Variants in PTPRT observed in about 807,000 individuals in gnomAD.
PTPRT encodes receptor-type tyrosine-protein phosphatase T.
A neutral mutation model predicts 176.8 loss-of-function variants in PTPRT; 56 were observed. That is an observed-to-expected ratio of 0.32 (90% CI 0.26 to 0.40). The LOEUF (loss-of-function observed/expected upper bound fraction) is 0.40. PTPRT is among the 10% of genes least tolerant of loss of function. The probability of loss-of-function intolerance (pLI) is 1.00; values close to 1 mark genes in which losing one functional copy is unlikely to be tolerated. For synonymous variants in PTPRT, 783 were observed against 739.0 expected (o/e 1.06, Z -0.96); for missense variants, 1,540 against 1,908.2 (o/e 0.81, Z 3.60).
rs187583267 is a variant in PTPRT, at chr20:42,934,152, C to T, written c.89-48220G>A. Among the ~76,000 whole-genome samples the T allele has an allele frequency of 1.4e-4, 22 of 152,266 alleles. 1 individual carries two copies. In the East Asian group the frequency reaches 3.1e-3, roughly 21 times the overall value. On this transcript the variant is annotated intron_variant, in intron 1 of 30. Coordinates refer to ENST00000373187, the MANE Select transcript of PTPRT (RefSeq NM_007050.6). ...TACTGAGAATTTACCCATCTCATTA[C>T]GGCGTTGCTAACAGGGTCTCAGGCA...
At chr20:42,806,957 T>C (rs1182032502) in intron 2 of PTPRT, among the ~76,000 whole-genome samples, 5 of 152,186 alleles carry the variant, frequency 3.3e-5, no homozygotes, top group Admixed American at 2.0e-4. Context: ...GAAGTATTCC[T>C]TCCAGCCCAC....
intron 2 of PTPRT, among the ~76,000 whole-genome samples, chr20:42,802,483 T>C (rs373115172): frequency 2.0e-5 from 3 of 152,234 alleles, no homozygotes; most frequent in East Asian, 3.9e-4. Flanking sequence ...AATTAGACAC[T>C]TATTGACTCC....
At chr20:42,771,350 T>C in intron 5 of PTPRT, 85 bp downstream of exon 5, 1 of 1,182,790 alleles carries the variant, frequency 8.5e-7, no homozygotes. Context: ...AATACACTTG[T>C]GTTGCCATAG....
At chr20:42,599,060 T>C (rs1253243748) in intron 7 of PTPRT, among the ~76,000 whole-genome samples, 1 of 151,998 alleles carries the variant, frequency 6.6e-6, no homozygotes, top group Non-Finnish European at 1.5e-5. Context: ...GATGCCCTGG[T>C]TTATTAGGAG....
chr20:43,018,197 T>G (rs1043184010), intron 1 of PTPRT, among the ~76,000 whole-genome samples: 1 of 152,176 alleles, frequency 6.6e-6, no homozygotes, highest in African/African-American at 2.4e-5. Flanking sequence ...CTTTACCATG[T>G]TATCTATTTA....
At chr20:43,128,866 G>C (rs1371704385) in intron 1 of PTPRT, among the ~76,000 whole-genome samples, 1 of 152,224 alleles carries the variant, frequency 6.6e-6, no homozygotes, top group Non-Finnish European at 1.5e-5. Context: ...GCTGAGGGAA[G>C]ATGCCCCAAG....
At chr20:42,364,986 A>G (rs1237754188) in intron 9 of PTPRT, among the ~76,000 whole-genome samples, 3 of 152,238 alleles carry the variant, frequency 2.0e-5, no homozygotes, top group African/African-American at 7.2e-5. Context: ...ACTGCCCATT[A>G]GAAATAGGAT....
chr20:42,913,132 A>G (rs1390926520), intron 1 of PTPRT, among the ~76,000 whole-genome samples: 1 of 152,246 alleles, frequency 6.6e-6, no homozygotes, highest in Non-Finnish European at 1.5e-5. Context: ...AAGTGCTTAA[A>G]AAGGTACCTT....
chr20:42,270,379 C>CCCGGGGG (rs2146998979), intron 13 of PTPRT: 9 of 1,541,540 alleles, frequency 5.8e-6, no homozygotes, highest in Middle Eastern at 2.2e-4. Flanking sequence ...CCCACCCGCC[C>CCCGGGGG]AGGGCTCTGG....
At chr20:42,034,710 G>A in the PTPRT span, among the ~76,000 whole-genome samples, 3 of 152,166 alleles carry the variant, frequency 2.0e-5, no homozygotes, top group African/African-American at 7.2e-5. Flanking sequence ...TAACAGAAAG[G>A]ATTAACTTAG....
chr20:43,067,695 C>G (rs6065571), intron 1 of PTPRT, among the ~76,000 whole-genome samples: 1 of 151,514 alleles, frequency 6.6e-6, no homozygotes, highest in Non-Finnish European at 1.5e-5. Flanking sequence ...GGCACAGTGG[C>G]TCACATCTGC....
chr20:42,293,276 C>T (rs995353502), intron 12 of PTPRT, among the ~76,000 whole-genome samples: 5 of 152,204 alleles, frequency 3.3e-5, no homozygotes, highest in Non-Finnish European at 5.9e-5. Flanking sequence ...TTCAGTGAGA[C>T]TACACTAAGT....
At chr20:42,810,061 A>T (rs1250854619) in intron 2 of PTPRT, among the ~76,000 whole-genome samples, 2 of 152,106 alleles carry the variant, frequency 1.3e-5, no homozygotes, top group Non-Finnish European at 2.9e-5. Flanking sequence ...GGGAGGCCGA[A>T]GTGGGTGGAT....
chr20:42,752,312 A>G (rs770306387), intron 6 of PTPRT, among the ~76,000 whole-genome samples: 6 of 152,204 alleles, frequency 3.9e-5, no homozygotes, highest in Non-Finnish European at 5.9e-5. Context: ...TCCTACATCC[A>G]TTATCACATG....
At chr20:42,392,722 A>G (rs1057473787) in intron 9 of PTPRT, among the ~76,000 whole-genome samples, 1 of 152,178 alleles carries the variant, frequency 6.6e-6, no homozygotes, top group Non-Finnish European at 1.5e-5. Flanking sequence ...ATCCATATGC[A>G]AGAAACTTTG....
chr20:43,188,629 C>T (rs1213967021), intron 1 of PTPRT, among the ~76,000 whole-genome samples: 1 of 152,192 alleles, frequency 6.6e-6, no homozygotes, highest in African/African-American at 2.4e-5. Flanking sequence ...CCCCGCAATC[C>T]CAGCCACCTC....
intron 16 of PTPRT, among the ~76,000 whole-genome samples, chr20:42,194,991 C>T (rs183223405): frequency 1.3e-5 from 2 of 152,084 alleles, no homozygotes; most frequent in Non-Finnish European, 2.9e-5. Flanking sequence ...AAACATCACA[C>T]ACCGGGGCCT....
intron 17 of PTPRT, among the ~76,000 whole-genome samples, chr20:42,151,246 T>G (rs1989119184): frequency 6.6e-6 from 1 of 152,008 alleles, no homozygotes; most frequent in African/African-American, 2.4e-5. Context: ...CAACCTATCA[T>G]CTAGGTTTCA....
chr20:42,520,473 G>A (rs1185102878), intron 7 of PTPRT, among the ~76,000 whole-genome samples: 2 of 151,876 alleles, frequency 1.3e-5, no homozygotes, highest in African/African-American at 4.8e-5. Flanking sequence ...AGGCACCACG[G>A]CTTAGATTTT....
Sources: allele counts gnomAD v4.1 joint callset (sites outside exome capture counted in the v4.1 genomes callset), GRCh38; gene constraint gnomAD v4.1.1; transcripts MANE v1.5; gene names NCBI Gene and HGNC (gene_info 2026-07-23, HGNC 2026-07-21).